Variants in PLPPR1 observed in about 807,000 individuals in gnomAD.
PLPPR1 encodes the protein phospholipid phosphatase related 1.
A neutral mutation model predicts 33.1 loss-of-function variants in PLPPR1; 10 were observed. That is an observed-to-expected ratio of 0.30 (90% CI 0.19 to 0.51). The LOEUF (loss-of-function observed/expected upper bound fraction) is 0.51, where lower values mean the gene tolerates loss of function less well. Among genes scored for constraint, PLPPR1 ranks in the 20% least tolerant of loss-of-function variants. The pLI is 0.97. For synonymous variants in PLPPR1, 151 were observed against 151.0 expected (o/e 1.00, Z 0.00); for missense variants, 304 against 408.1 (o/e 0.74, Z 2.20).
intron 1 of PLPPR1, among the ~76,000 whole-genome samples, chr9:101,058,255 A>G (rs1408272005): frequency 6.6e-6 from 1 of 151,830 alleles, no homozygotes; most frequent in Non-Finnish European, 1.5e-5. Context: ...GGAATGGGAG[A>G]AGTAGACCCT....
chr9:101,048,350 G>C (rs576375453), intron 1 of PLPPR1, among the ~76,000 whole-genome samples: 3 of 152,292 alleles, frequency 2.0e-5, no homozygotes, highest in African/African-American at 7.2e-5. Flanking sequence ...CAAAATCCTT[G>C]ATCTAGTGAA....
intron 1 of PLPPR1, among the ~76,000 whole-genome samples, chr9:101,093,359 A>C (rs1830773400): frequency 2.6e-5 from 4 of 152,212 alleles, no homozygotes; most frequent in Non-Finnish European, 4.4e-5. Flanking sequence ...ATCACTGGGG[A>C]ATCTTGAAAG....
chr9:101,171,904 A>T (rs1825947811), intron 1 of PLPPR1, among the ~76,000 whole-genome samples: 2 of 152,192 alleles, frequency 1.3e-5, no homozygotes, highest in Admixed American at 1.3e-4. Context: ...CCTGTGTCAA[A>T]GATGAGCTCC....
intron 1 of PLPPR1, among the ~76,000 whole-genome samples, chr9:101,099,020 G>A (rs1341688555): frequency 6.6e-6 from 1 of 151,446 alleles, no homozygotes; most frequent in Non-Finnish European, 1.5e-5. Context: ...CCAATTACTA[G>A]TTCTTTGACT....
intron 1 of PLPPR1, among the ~76,000 whole-genome samples, chr9:101,091,731 C>A (rs1194670798): frequency 6.6e-6 from 1 of 152,190 alleles, no homozygotes; most frequent in Admixed American, 6.5e-5. Flanking sequence ...CCAGGGACAT[C>A]TTTGGGTAGT....
In PLPPR1 at chr9:101,304,032, GTT is replaced by G. The variant is rs138254940; in HGVS notation, c.386-5172_386-5171del. On this transcript the variant is annotated intron_variant, in intron 4 of 7. Coordinates refer to ENST00000374874, the MANE Select transcript of PLPPR1 (RefSeq NM_207299.2). ...ATGACATAGATCTCCATACTCTAAGGTTTTTTTTATTCTCACTGCATTAGAAT... is the reference window on the plus strand; with the variant it reads ...ATGACATAGATCTCCATACTCTAAGGTTTTTTATTCTCACTGCATTAGAAT... Among the ~76,000 whole-genome samples, 156 of 151,990 alleles carry G rather than the reference GTT, an allele frequency of 1.0e-3. 1 individual carries two copies. In the East Asian group the frequency reaches 0.029, roughly 28 times the overall value.
intron 1 of PLPPR1, among the ~76,000 whole-genome samples, chr9:101,127,392 G>C (rs1351832888): frequency 1.3e-5 from 2 of 152,236 alleles, no homozygotes; most frequent in African/African-American, 4.8e-5. Flanking sequence ...CATTGTGATT[G>C]CAGAGGCTGT....
At chr9:101,286,440 T>C (rs1489983436) in intron 4 of PLPPR1, among the ~76,000 whole-genome samples, 1 of 152,084 alleles carries the variant, frequency 6.6e-6, no homozygotes, top group Non-Finnish European at 1.5e-5. Flanking sequence ...CAACTGATTT[T>C]CCCCCCACAT....
intron 2 of PLPPR1, among the ~76,000 whole-genome samples, chr9:101,247,697 G>A (rs1827636777): frequency 6.6e-6 from 1 of 152,040 alleles, no homozygotes; most frequent in South Asian, 2.1e-4. Flanking sequence ...GAAAACACAT[G>A]AGCTGTGCTG....
chr9:101,223,173 GAA>G (rs149056321), intron 2 of PLPPR1, among the ~76,000 whole-genome samples: 2 of 40,320 alleles, frequency 5.0e-5, no homozygotes, highest in Admixed American at 7.2e-4. Flanking sequence ...AAAAAAAAAA[GAA>G]AAGAAAAATT....
intron 1 of PLPPR1, among the ~76,000 whole-genome samples, chr9:101,127,222 C>T (rs563752711): frequency 1.6e-4 from 25 of 152,334 alleles, no homozygotes; most frequent in East Asian, 7.7e-4. Context: ...TGCTTTCATA[C>T]GCTCTAGCGT....
rs1829902149 is a variant in PLPPR1, at chr9:101,028,904, CAT to C, written c.-242_-241del. 7.2e-5 allele frequency: 11 copies of C among 152,626 alleles called. No homozygotes were observed. The highest frequency in any genetic ancestry group is 7.2e-4 in the Admixed American group (11 of 15,292). 9.5% of individuals were successfully genotyped at this position (152,626 alleles called of 1,614,324 possible). On this transcript the variant is annotated 5_prime_UTR_variant, in exon 1 of 8. Coordinates refer to ENST00000374874, the MANE Select transcript of PLPPR1 (RefSeq NM_207299.2). The stretch of plus-strand genomic sequence containing the variant: ...GCGCGCGCACAAACACGGACACACA[CAT>C]ACACACACTCGCGCACACACTCGCA...
intron 1 of PLPPR1, chr9:101,125,479 C>G (rs866463595): frequency 3.6e-5 from 11 of 309,756 alleles, no homozygotes; most frequent in Admixed American, 1.2e-4. Flanking sequence ...GCTCAGAAAT[C>G]CATGCTTTAA....
At chr9:101,162,037 A>G (rs981887460) in intron 1 of PLPPR1, among the ~76,000 whole-genome samples, 17 of 151,706 alleles carry the variant, frequency 1.1e-4, no homozygotes, top group Admixed American at 7.9e-4. Flanking sequence ...TAGCTTTGAC[A>G]CTTGTTAGCC....
intron 2 of PLPPR1, among the ~76,000 whole-genome samples, chr9:101,236,746 G>A (rs1377850726): frequency 6.6e-6 from 1 of 151,496 alleles, no homozygotes; most frequent in Admixed American, 6.6e-5. Context: ...TTCTTTGCAT[G>A]TGAACATTCA....
chr9:101,043,469 G>A (rs995294082), intron 1 of PLPPR1, among the ~76,000 whole-genome samples: 2 of 150,674 alleles, frequency 1.3e-5, no homozygotes, highest in African/African-American at 4.9e-5. Flanking sequence ...ATATGTATGT[G>A]TATATACATA....
In PLPPR1 at chr9:101,037,105, C is replaced by T. The variant is rs139298677; in HGVS notation, c.-46+8003C>T. Reference sequence around the variant, plus strand: ...AGCTTCAGCAGCTTGTCCATGTTAACTGGATGGGAAGTCAGCAGTCAGCTC... The same window carrying T: ...AGCTTCAGCAGCTTGTCCATGTTAATTGGATGGGAAGTCAGCAGTCAGCTC... On this transcript the variant is annotated intron_variant, in intron 1 of 7. Transcript: ENST00000374874. 4.2e-3 allele frequency among the ~76,000 whole-genome samples: 637 copies of T among 152,244 alleles called. 8 individuals are homozygous for T. Among genetic ancestry groups the T allele is most frequent in the Non-Finnish European group, 4.8e-3 (326 of 67,992 alleles).
intron 2 of PLPPR1, among the ~76,000 whole-genome samples, chr9:101,215,799 T>C (rs1017032242): frequency 6.6e-6 from 1 of 150,872 alleles, no homozygotes; most frequent in African/African-American, 2.4e-5. Flanking sequence ...GTTCCATGCA[T>C]GTTGTTGAAA....
intron 2 of PLPPR1, among the ~76,000 whole-genome samples, chr9:101,196,734 G>A (rs1357383561): frequency 2.0e-5 from 3 of 152,154 alleles, no homozygotes; most frequent in South Asian, 2.1e-4. Flanking sequence ...GCGTGGTGGC[G>A]GGTGCCTGTA....
Sources: gnomAD v4.1 joint callset for allele counts (sites outside exome capture counted in the v4.1 genomes callset) on GRCh38, gnomAD v4.1.1 for gene constraint, MANE v1.5 for transcripts, NCBI Gene and HGNC (gene_info 2026-07-23, HGNC 2026-07-21) for gene names.